The following PP2D1 variants were observed in gnomAD, a reference collection of about 807,000 sequenced individuals.
PP2D1 encodes the protein protein phosphatase 2C like domain containing 1.
PP2D1 carries 25 observed loss-of-function variants against 30.2 expected under a neutral mutation model. The observed-to-expected ratio is 0.83, with a 90% CI of 0.60 to 1.16. The LOEUF is 1.16. Ranked by LOEUF, PP2D1 falls within the 50% of genes most tolerant of loss-of-function variation. The probability of loss-of-function intolerance (pLI) is 0.00; values close to 1 mark genes in which losing one functional copy is unlikely to be tolerated. For synonymous variants in PP2D1, 260 were observed against 258.9 expected (o/e 1.00, Z -0.04); for missense variants, 760 against 742.4 (o/e 1.02, Z -0.28).
chr3:19,983,616 C>G (rs1177830249), downstream of PP2D1: 2 of 875,508 alleles, frequency 2.3e-6, no homozygotes, highest in Admixed American at 4.1e-5. Context: ...TTGGGGGTAA[C>G]CTAACTGGAA....
At chr3:19,984,203 C>A, downstream of PP2D1, 1 of 420,046 alleles carries the variant, frequency 2.4e-6, no homozygotes, top group Admixed American at 3.3e-5. Context: ...CTAATTTGGG[C>A]TTTTCAAAAA....
Position 19,985,791 on chromosome 3 carries a change from A to C in PP2D1, c.1482T>G (p.Pro494=). 1 of 1,536,132 alleles carries C rather than the reference A, an allele frequency of 6.5e-7. No individual in the cohort carries two copies. ...IIPNKSPSKG[P]LLFSTSEPNL... ...TTGGTTCACTGGTTGAAAAAAGCAG[A>C]GGCCCTTTGGATGGTGATTTGTTAG... is the stretch of plus-strand genomic sequence containing the variant. Residue 494 remains proline (P), a synonymous_variant, in exon 3 of 3, where the codon CCT becomes CCG. Transcript: ENST00000389050.
intron 2 of PP2D1, among the ~76,000 whole-genome samples, chr3:20,000,573 A>G (rs1697238313): frequency 6.6e-6 from 1 of 152,244 alleles, no homozygotes; most frequent in South Asian, 2.1e-4. Context: ...AATAGATGCT[A>G]CTTGGCCAGT....
At chr3:20,007,379 TGAC>T (rs1697332394) in intron 1 of PP2D1, among the ~76,000 whole-genome samples, 1 of 152,200 alleles carries the variant, frequency 6.6e-6, no homozygotes, top group Non-Finnish European at 1.5e-5. Context: ...TATGGAGGAC[TGAC>T]TCTGTTGTGA....
rs1377663594 is a variant in PP2D1, at chr3:19,985,847, T to G, written c.1426A>C (p.Met476Leu). The G allele has an allele frequency of 1.3e-6, 2 of 1,536,296 alleles. No individual in the cohort carries two copies. The highest frequency in any genetic ancestry group is 1.7e-6 in the Non-Finnish European group (2 of 1,146,918). The change falls in exon 3 of 3, where the codon ATG (methionine) becomes CTG (leucine). Residue 476 changes from methionine to leucine, a missense_variant. Met to Leu is a conservative substitution (Grantham distance 15, BLOSUM62 2). Around this residue, in one of 3 missense-constraint regions of PP2D1, gnomAD observed 369 missense variants for 316.2 expected, o/e 1.17. Coordinates refer to ENST00000389050, the MANE Select transcript of PP2D1 (RefSeq NM_001252657.2). ...VTALAMTTFH[M>L]YKETYCPIIP... is the part of the protein sequence containing the mutation. ...ATAGGACAGTATGTTTCTTTATACATGTGAAATGTTGTCATTGCCAGGGCA... is the reference window on the plus strand; with the variant it reads ...ATAGGACAGTATGTTTCTTTATACAGGTGAAATGTTGTCATTGCCAGGGCA...
intron 2 of PP2D1, among the ~76,000 whole-genome samples, chr3:19,997,773 A>G (rs2125142470): frequency 6.6e-6 from 1 of 152,318 alleles, no homozygotes; most frequent in South Asian, 2.1e-4. Flanking sequence ...AAAGACAAAC[A>G]TTACATGTTC....
At chr3:20,008,689 T>C (rs891873300) in intron 1 of PP2D1, among the ~76,000 whole-genome samples, 2 of 152,134 alleles carry the variant, frequency 1.3e-5, no homozygotes, top group African/African-American at 2.4e-5. Context: ...AGGTTGAGGC[T>C]GCAGTGAGCT....
intron 2 of PP2D1, among the ~76,000 whole-genome samples, chr3:19,998,602 A>G (rs1697212194): frequency 6.6e-6 from 1 of 152,206 alleles, no homozygotes; most frequent in Non-Finnish European, 1.5e-5. Context: ...AATAAAATAG[A>G]TAAACATTTT....
At chr3:19,992,263 C>T (rs1003006258) in intron 2 of PP2D1, among the ~76,000 whole-genome samples, 1 of 152,072 alleles carries the variant, frequency 6.6e-6, no homozygotes, top group African/African-American at 2.4e-5. Context: ...AACTATATTA[C>T]GCACAAGTCT....
intron 2 of PP2D1, 41 bp from the exon 3 acceptor site, chr3:19,986,223 A>C: frequency 7.4e-7 from 1 of 1,347,628 alleles, no homozygotes; most frequent in African/African-American, 1.5e-5. Context: ...TTTATCCTAG[A>C]GATAACCAAT....
At chr3:19,985,267 C>A (rs983918577), downstream of PP2D1, 8 of 745,022 alleles carry the variant, frequency 1.1e-5, no homozygotes, top group Non-Finnish European at 1.3e-5. Context: ...TTTATATTTT[C>A]TTTACTATGT....
intron 1 of PP2D1, among the ~76,000 whole-genome samples, chr3:20,002,882 C>A (rs1697272867): frequency 6.6e-6 from 1 of 151,928 alleles, no homozygotes; most frequent in African/African-American, 2.4e-5. Context: ...GGTGAAACCC[C>A]ATCTCTACTG....
chr3:19,982,567 C>T (rs553054761), downstream of PP2D1, among the ~76,000 whole-genome samples: 28 of 152,114 alleles, frequency 1.8e-4, no homozygotes, highest in Admixed American at 9.2e-4. Context: ...AAAAACTAAG[C>T]GGTCGAGCAT....
At chr3:19,985,339 C>T, downstream of PP2D1, 1 of 1,328,064 alleles carries the variant, frequency 7.5e-7, no homozygotes, top group Non-Finnish European at 1.0e-6. Context: ...TGAAGAATCA[C>T]TTTATATTTT....
chr3:20,010,852 A>G (rs1166724332), intron 1 of PP2D1, among the ~76,000 whole-genome samples: 1 of 152,126 alleles, frequency 6.6e-6, no homozygotes, highest in East Asian at 1.9e-4. Context: ...AATACCTACA[A>G]TAGGCCAGCT....
chr3:20,010,015 C>T (rs1295229268), intron 1 of PP2D1, among the ~76,000 whole-genome samples: 2 of 151,958 alleles, frequency 1.3e-5, no homozygotes, highest in African/African-American at 2.4e-5. Context: ...TATAATAAGT[C>T]CCCATACACT....
At chr3:20,007,107 A>G (rs573047785) in intron 1 of PP2D1, among the ~76,000 whole-genome samples, 27 of 151,916 alleles carry the variant, frequency 1.8e-4, no homozygotes, top group Admixed American at 5.9e-4. Context: ...TCCTGACTCA[A>G]GTGATCCGCC....
downstream of PP2D1, chr3:19,983,831 G>T (rs748637097): frequency 3.4e-5 from 53 of 1,539,680 alleles, 2 homozygotes; most frequent in Middle Eastern, 1.7e-3. Flanking sequence ...TAAACCTCTA[G>T]TTTGAACTAG....
intron 2 of PP2D1, among the ~76,000 whole-genome samples, chr3:19,994,574 G>A (rs994678756): frequency 6.6e-6 from 1 of 152,150 alleles, no homozygotes; most frequent in African/African-American, 2.4e-5. Context: ...CACCAGGCAG[G>A]AGCAAATGCA....
Sources: gnomAD v4.1 joint callset for allele counts (sites outside exome capture counted in the v4.1 genomes callset) on GRCh38, gnomAD v4.1.1 for gene constraint, gnomAD v4.1.1 regional missense constraint, MANE v1.5 for transcripts, NCBI Gene and HGNC (gene_info 2026-07-23, HGNC 2026-07-21) for gene names.